The following NBEA variants were observed in gnomAD, a reference collection of about 807,000 sequenced individuals.
The protein encoded by NBEA is lysosomal-trafficking regulator 2.
A neutral mutation model predicts 343.4 loss-of-function variants in NBEA; 44 were observed. The ratio of observed to expected loss-of-function variants is 0.13; its 90% CI spans 0.10 to 0.16. The LOEUF is 0.16. Among genes scored for constraint, NBEA ranks in the 10% least tolerant of loss-of-function variants. NBEA has a pLI of 1.00. For synonymous variants in NBEA, 1,175 were observed against 1,238.7 expected (o/e 0.95, Z 1.08); for missense variants, 2,555 against 3,631.3 (o/e 0.70, Z 7.62).
intron 1 of NBEA, among the ~76,000 whole-genome samples, chr13:34,947,875 G>C (rs2059234712): frequency 6.6e-6 from 1 of 152,104 alleles, no homozygotes; most frequent in African/African-American, 2.4e-5. Flanking sequence ...CCTCAAACTA[G>C]AAATATGTGT....
intron 41 of NBEA, chr13:35,475,345 G>C: frequency 6.2e-7 from 1 of 1,613,964 alleles, no homozygotes; most frequent in Non-Finnish European, 8.5e-7. Flanking sequence ...GGGCTGGCCC[G>C]GCAGTTCAAG....
chr13:35,337,099 G>A (rs984451839), intron 36 of NBEA, among the ~76,000 whole-genome samples: 1 of 152,048 alleles, frequency 6.6e-6, no homozygotes, highest in African/African-American at 2.4e-5. Flanking sequence ...AGAAATGGAA[G>A]AAGAAATAAA....
chr13:35,465,689 ACATTG>A (rs2075360002), intron 40 of NBEA, among the ~76,000 whole-genome samples: 1 of 152,202 alleles, frequency 6.6e-6, no homozygotes, highest in Non-Finnish European at 1.5e-5. Context: ...TTCACACTGA[ACATTG>A]AAACTATCAC....
intron 1 of NBEA, among the ~76,000 whole-genome samples, chr13:34,957,608 A>G (rs926972404): frequency 2.6e-5 from 4 of 152,174 alleles, no homozygotes; most frequent in Non-Finnish European, 5.9e-5. Flanking sequence ...TTAACATTAA[A>G]AAAAGGTAAA....
At chr13:35,587,409 G>A (rs1417043152) in intron 46 of NBEA, among the ~76,000 whole-genome samples, 1 of 152,092 alleles carries the variant, frequency 6.6e-6, no homozygotes, top group Non-Finnish European at 1.5e-5. Flanking sequence ...TTCACCCTGG[G>A]AGGCCTTTTC....
chr13:35,666,257 T>C (rs2085348148), intron 56 of NBEA, among the ~76,000 whole-genome samples: 1 of 152,120 alleles, frequency 6.6e-6, no homozygotes, highest in East Asian at 1.9e-4. Flanking sequence ...TCAGCCTTTC[T>C]ACGGAGAATG....
chr13:35,313,638 T>C (rs997743231), intron 36 of NBEA, among the ~76,000 whole-genome samples: 20 of 152,012 alleles, frequency 1.3e-4, no homozygotes, highest in African/African-American at 4.1e-4. Context: ...TAGATCCAAA[T>C]CCTACCCTAT....
At chr13:35,651,909 A>G in intron 53 of NBEA, 33 bp downstream of exon 53, 6 of 1,139,536 alleles carry the variant, frequency 5.3e-6, no homozygotes, top group Non-Finnish European at 7.8e-6. Flanking sequence ...ATTTTCATGG[A>G]TACTATCCAT....
chr13:35,431,921 C>T (rs2045140296), intron 38 of NBEA, among the ~76,000 whole-genome samples: 1 of 152,046 alleles, frequency 6.6e-6, no homozygotes, highest in Non-Finnish European at 1.5e-5. Flanking sequence ...TAAAAGAAAG[C>T]AAACTGTACC....
intron 36 of NBEA, among the ~76,000 whole-genome samples, chr13:35,338,112 G>C (rs1362774516): frequency 6.6e-6 from 1 of 151,544 alleles, no homozygotes; most frequent in Admixed American, 6.6e-5. Context: ...GGAAAAAATA[G>C]CAATTAAAAT....
chr13:35,187,348 T>C (rs1336677687), intron 30 of NBEA, among the ~76,000 whole-genome samples: 1 of 151,874 alleles, frequency 6.6e-6, no homozygotes, highest in Non-Finnish European at 1.5e-5. Context: ...AGTATTGCCA[T>C]AGTTTCTTCA....
At chr13:35,593,502 G>T (rs912969478) in intron 47 of NBEA, 55 bp downstream of exon 47, 3 of 1,509,682 alleles carry the variant, frequency 2.0e-6, no homozygotes, top group Admixed American at 2.1e-5. Context: ...TGGAAATTTT[G>T]ATTTTTTTAA....
intron 1 of NBEA, among the ~76,000 whole-genome samples, chr13:35,003,966 C>T (rs2152526624): frequency 6.6e-6 from 1 of 152,128 alleles, no homozygotes; most frequent in African/African-American, 2.4e-5. Flanking sequence ...GTGTGTTGTT[C>T]CCCTCCCTGT....
intron 47 of NBEA, among the ~76,000 whole-genome samples, chr13:35,602,529 T>C (rs911529762): frequency 6.0e-4 from 92 of 152,348 alleles, no homozygotes; most frequent in Middle Eastern, 3.4e-3. Flanking sequence ...CAAGCTGTGC[T>C]TCAGAAGTTT....
chr13:35,340,130 G>A (rs533837985), intron 36 of NBEA, among the ~76,000 whole-genome samples: 28 of 152,182 alleles, frequency 1.8e-4, no homozygotes, highest in African/African-American at 6.5e-4. Flanking sequence ...TGCTGCTTAT[G>A]TTGCCAAAAG....
chr13:35,283,844 T>C (rs2035225634), intron 34 of NBEA, among the ~76,000 whole-genome samples: 1 of 152,170 alleles, frequency 6.6e-6, no homozygotes, highest in South Asian at 2.1e-4. Context: ...GGTTTCAGAA[T>C]TGTAAAGTAT....
intron 48 of NBEA, among the ~76,000 whole-genome samples, chr13:35,615,677 C>T (rs2153057210): frequency 6.6e-6 from 1 of 152,224 alleles, no homozygotes; most frequent in African/African-American, 2.4e-5. Flanking sequence ...CAAATACCAC[C>T]ACCTTATCAA....
chr13:35,136,874 G>T (rs1321031586), intron 17 of NBEA, among the ~76,000 whole-genome samples: 1 of 152,160 alleles, frequency 6.6e-6, no homozygotes, highest in Admixed American at 6.5e-5. Context: ...GTAAAGACAA[G>T]GTCAAGGAAG....
chr13:35,164,263 A>G (rs2069815478), intron 23 of NBEA, 93 bp from the exon 24 acceptor site: 9 of 1,082,896 alleles, frequency 8.3e-6, no homozygotes, highest in Non-Finnish European at 1.0e-5. Context: ...GCTAGCTCCT[A>G]CAGTTCTATA....
Sources: gnomAD v4.1 joint callset for allele counts (sites outside exome capture counted in the v4.1 genomes callset) on GRCh38, gnomAD v4.1.1 for gene constraint, MANE v1.5 for transcripts, NCBI Gene and HGNC (gene_info 2026-07-23, HGNC 2026-07-21) for gene names.